Variants in C2orf49 observed in about 807,000 individuals in gnomAD.
C2orf49 encodes the protein tRNA-splicing ligase complex subunit ASW.
In C2orf49, 11 loss-of-function variants were observed where a neutral mutation model predicts 20.6. The ratio of observed to expected loss-of-function variants is 0.53; its 90% CI spans 0.34 to 0.88. The LOEUF is 0.88. Ranked by LOEUF, C2orf49 falls within the 40% of genes least tolerant of loss-of-function variation. The probability of loss-of-function intolerance (pLI) is 0.02; values close to 1 mark genes in which losing one functional copy is unlikely to be tolerated. For missense variants in C2orf49, 289 were observed against 274.2 expected (o/e 1.05, Z -0.38); for synonymous variants, 134 against 108.5 (o/e 1.24, Z -1.46).
At chr2:105,357,248 C>T in the C2orf49 span, among the ~76,000 whole-genome samples, 1 of 152,162 alleles carries the variant, frequency 6.6e-6, no homozygotes, top group Non-Finnish European at 1.5e-5. Flanking sequence ...TTTCTCTTCA[C>T]TCTTTTTTCT....
chr2:105,363,050 G>A, the C2orf49 span: 20 of 498,692 alleles, frequency 4.0e-5, no homozygotes, highest in African/African-American at 5.8e-5. Context: ...AAACTAAACT[G>A]GAGCACTGGC....
intron 1 of C2orf49, 29 bp downstream of exon 1, chr2:105,337,715 G>A (rs1229496797): frequency 3.3e-5 from 11 of 334,550 alleles, no homozygotes; most frequent in Non-Finnish European, 6.8e-5. Flanking sequence ...GAGGGTGGGC[G>A]GGTGGGCCTT....
the C2orf49 span, among the ~76,000 whole-genome samples, chr2:105,354,602 G>T: frequency 6.6e-6 from 1 of 151,900 alleles, no homozygotes; most frequent in Admixed American, 6.6e-5. Flanking sequence ...GGAGGCAGAG[G>T]TTGCAGTGAG....
the C2orf49 span, among the ~76,000 whole-genome samples, chr2:105,354,402 C>T: frequency 1.3e-5 from 2 of 152,106 alleles, no homozygotes; most frequent in Admixed American, 6.6e-5. Context: ...TGGTGGCTCA[C>T]GCCTGTAATC....
chr2:105,385,701 G>A, the C2orf49 span, among the ~76,000 whole-genome samples: 1 of 152,298 alleles, frequency 6.6e-6, no homozygotes, highest in South Asian at 2.1e-4. Flanking sequence ...CAGCAATCCA[G>A]GTTGGAACAA....
At chr2:105,376,665 T>C in the C2orf49 span, 2 of 152,348 alleles carry the variant, frequency 1.3e-5, no homozygotes, top group Middle Eastern at 3.4e-3. Flanking sequence ...CTTTTGGATA[T>C]ATACCCAAAA....
intron 1 of C2orf49, 35 bp downstream of exon 1, chr2:105,337,721 G>GGGGGGGGGGGC: frequency 3.7e-5 from 1 of 26,800 alleles, no homozygotes; most frequent in Non-Finnish European, 6.6e-5. Flanking sequence ...GGGCGGGTGG[G>GGGGGGGGGGGC]CCTTCCCAGG....
chr2:105,352,046 C>T (rs1224504762), downstream of C2orf49, among the ~76,000 whole-genome samples: 1 of 152,184 alleles, frequency 6.6e-6, no homozygotes, highest in East Asian at 1.9e-4. Flanking sequence ...ATGGCTCCTA[C>T]CAACCACCGT....
the C2orf49 span, among the ~76,000 whole-genome samples, chr2:105,355,138 C>T: frequency 1.1e-4 from 17 of 152,168 alleles, no homozygotes; most frequent in South Asian, 3.5e-3. Flanking sequence ...AAAACACCAC[C>T]ACATATAAGT....
At chr2:105,361,602 T>C in the C2orf49 span, among the ~76,000 whole-genome samples, 2 of 152,228 alleles carry the variant, frequency 1.3e-5, no homozygotes, top group African/African-American at 4.8e-5. Flanking sequence ...TCAGATTCTA[T>C]GCACAGCCTG....
chr2:105,363,452 A>G, the C2orf49 span: 21 of 1,609,438 alleles, frequency 1.3e-5, no homozygotes, highest in African/African-American at 2.0e-4. Flanking sequence ...CCGGTAAGTG[A>G]CCCCTCCCGT....
chr2:105,374,712 CT>C, the C2orf49 span, among the ~76,000 whole-genome samples: 2 of 152,186 alleles, frequency 1.3e-5, no homozygotes, highest in Non-Finnish European at 2.9e-5. Context: ...CCATATTTGC[CT>C]TTTAAAAATG....
the C2orf49 span, among the ~76,000 whole-genome samples, chr2:105,356,187 T>C: frequency 6.6e-6 from 1 of 152,004 alleles, no homozygotes; most frequent in African/African-American, 2.4e-5. Flanking sequence ...GGTCAGGAGT[T>C]CAAGACGAGC....
the C2orf49 span, among the ~76,000 whole-genome samples, chr2:105,355,798 G>C: frequency 6.6e-6 from 1 of 151,638 alleles, no homozygotes; most frequent in East Asian, 1.9e-4. Flanking sequence ...GTGTGTGTGT[G>C]TGTGTGTGTG....
At position 105,346,532 on chromosome 2, in the gene C2orf49, G is replaced by T. The variant is rs1679815350; in HGVS notation, c.*1161G>T. ...GTCTTCAGGCAGAGTAATCATGTTA[G>T]AGGTGGTATTCGATGGAAGAAAGTT... is the stretch of plus-strand genomic sequence containing the variant. On this transcript the variant is annotated 3_prime_UTR_variant, in exon 4 of 4. Transcript: ENST00000258457. 1 of 152,240 alleles carries T rather than the reference G, an allele frequency of 6.6e-6. No homozygotes were observed. Among genetic ancestry groups the T allele is most frequent in the African/African-American group, 2.4e-5 (1 of 41,450 alleles). The allele number at this position is 152,240 out of a possible 1,614,324, so 9.4% of individuals were successfully genotyped here. A position where few individuals can be genotyped will look rare whatever the true frequency, so the allele number is the denominator to read the frequency against.
At chr2:105,372,319 G>A in the C2orf49 span, among the ~76,000 whole-genome samples, 1 of 152,004 alleles carries the variant, frequency 6.6e-6, no homozygotes, top group African/African-American at 2.4e-5. Context: ...TCCATCTCCT[G>A]GGTTCAGGCC....
At position 105,338,797 on chromosome 2, in the gene C2orf49, G is replaced by A. The variant is rs953613042; in HGVS notation, c.100-786G>A. ...TGGTACTAAACACAAATGTTTTCAA[G>A]CCTTTCTGAGTTGAAATTGAAGAGC... On this transcript the variant is annotated intron_variant, in intron 1 of 3. Transcript: ENST00000258457. Among the ~76,000 whole-genome samples, 8 of 152,312 alleles carry A rather than the reference G, an allele frequency of 5.3e-5. No individual in the cohort carries two copies. In the East Asian group the frequency reaches 1.5e-3, roughly 29 times the overall value.
At chr2:105,353,755 AATCT>A (rs2104463350), downstream of C2orf49, among the ~76,000 whole-genome samples, 1 of 152,320 alleles carries the variant, frequency 6.6e-6, no homozygotes, top group African/African-American at 2.4e-5. Context: ...GAGCCTCTGT[AATCT>A]ATCATTTAAT....
In C2orf49 at chr2:105,345,657, G is replaced by A; in HGVS notation, c.*286G>A. The A allele has an allele frequency of 5.6e-6, 2 of 358,034 alleles. No homozygotes were observed. Among genetic ancestry groups the A allele is most frequent in the Non-Finnish European group, 5.0e-6 (1 of 198,292 alleles). 22.2% of individuals were successfully genotyped at this position (358,034 alleles called of 1,614,324 possible). ...CCTACTGAAATTATTAGCTACAAATGTGCTATAAAGCATCCATTGAATTGG... is the reference window on the plus strand; with the variant it reads ...CCTACTGAAATTATTAGCTACAAATATGCTATAAAGCATCCATTGAATTGG... On this transcript the variant is annotated 3_prime_UTR_variant, in exon 4 of 4. Transcript: ENST00000258457.
Sources: gnomAD v4.1 joint callset for allele counts (sites outside exome capture counted in the v4.1 genomes callset) on GRCh38, gnomAD v4.1.1 for gene constraint, MANE v1.5 for transcripts, NCBI Gene and HGNC (gene_info 2026-07-23, HGNC 2026-07-21) for gene names.